The following ADIPOR1 variants were observed in gnomAD, a reference collection of about 807,000 sequenced individuals.
ADIPOR1 encodes the protein adiponectin receptor protein 1.
A neutral mutation model predicts 37.5 loss-of-function variants in ADIPOR1; 15 were observed. The observed-to-expected ratio is 0.40, with a 90% CI of 0.27 to 0.62. The LOEUF (loss-of-function observed/expected upper bound fraction) is 0.62, where lower values mean the gene tolerates loss of function less well. Among genes scored for constraint, ADIPOR1 ranks in the 20% least tolerant of loss-of-function variants. ADIPOR1 has a pLI of 0.42. For synonymous variants in ADIPOR1, 173 were observed against 173.2 expected (o/e 1.00, Z 0.01); for missense variants, 286 against 478.0 (o/e 0.60, Z 3.75).
intron 4 of ADIPOR1, among the ~76,000 whole-genome samples, chr1:202,945,783 G>A (rs1259672834): frequency 1.3e-5 from 2 of 152,124 alleles, no homozygotes; most frequent in South Asian, 4.1e-4. Context: ...TACTGTATAT[G>A]TTCTCACTTA....
chr1:202,952,915 T>A (rs1394362299), intron 1 of ADIPOR1, among the ~76,000 whole-genome samples: 1 of 152,194 alleles, frequency 6.6e-6, no homozygotes, highest in African/African-American at 2.4e-5. Context: ...ACAAGCACAG[T>A]TGAAAGCAAC....
Position 202,942,178 on chromosome 1 carries a change from G to A in ADIPOR1, c.846C>T (p.Thr282=), listed in dbSNP as rs560007363. The A allele has an allele frequency of 5.5e-5, 88 of 1,614,156 alleles. 1 individual carries two copies. The South Asian group carries it at 9.3e-4, about 17-fold the overall frequency. ...AGCCCTCAGCGATAGTAAAGTGCAT[G>A]GTGGGCACGACGCCACTCAAGCCAA... ...LGLGLSGVVP[T]MHFTIAEGFV... Residue 282 remains threonine (T), a synonymous_variant, in exon 7 of 8, where the codon ACC becomes ACT. Transcript: ENST00000340990.
chr1:202,947,374 A>G (rs1558012320), intron 3 of ADIPOR1, among the ~76,000 whole-genome samples: 1 of 150,134 alleles, frequency 6.7e-6, no homozygotes, highest in African/African-American at 2.4e-5. Context: ...ATACAAAAAT[A>G]AGCCAGGCGT....
chr1:202,952,472 T>C (rs1654615550), intron 1 of ADIPOR1, among the ~76,000 whole-genome samples: 1 of 152,190 alleles, frequency 6.6e-6, no homozygotes, highest in Admixed American at 6.5e-5. Flanking sequence ...CTTGTGTCAG[T>C]TCTTTTTTAT....
At chr1:202,944,177 C>T (rs1453794901) in intron 5 of ADIPOR1, 1 of 437,966 alleles carries the variant, frequency 2.3e-6, no homozygotes, top group Non-Finnish European at 4.1e-6. Context: ...AGAACTCTAT[C>T]CCTTTCCCTT....
At chr1:202,955,668 G>A (rs568581020) in intron 1 of ADIPOR1, among the ~76,000 whole-genome samples, 94 of 151,962 alleles carry the variant, frequency 6.2e-4, no homozygotes, top group African/African-American at 2.1e-3. Context: ...TGTGTGGCAC[G>A]ATCATAGCTT....
chr1:202,946,373 G>A (rs1394228068), intron 4 of ADIPOR1, 66 bp downstream of exon 4: 1 of 1,583,888 alleles, frequency 6.3e-7, no homozygotes, highest in Non-Finnish European at 8.6e-7. Flanking sequence ...AACTTTGTTG[G>A]GCTCTATAAT....
At chr1:202,950,458 G>C (rs1654526613) in intron 2 of ADIPOR1, among the ~76,000 whole-genome samples, 1 of 151,954 alleles carries the variant, frequency 6.6e-6, no homozygotes, top group African/African-American at 2.4e-5. Flanking sequence ...TCCCTTTCAT[G>C]GGGGGTAGAA....
At chr1:202,944,094 T>C (rs1654208488) in intron 5 of ADIPOR1, 149 bp from the exon 6 acceptor site, 2 of 668,310 alleles carry the variant, frequency 3.0e-6, no homozygotes, top group Non-Finnish European at 4.9e-6. Flanking sequence ...CAATCTATCC[T>C]GTATTCTGGA....
At chr1:202,947,006 C>T (rs1245344121) in intron 3 of ADIPOR1, among the ~76,000 whole-genome samples, 2 of 151,930 alleles carry the variant, frequency 1.3e-5, no homozygotes, top group African/African-American at 2.4e-5. Context: ...ATCCCAGCTA[C>T]TCAGGAGGCT....
At chr1:202,948,543 G>T (rs1654425331) in intron 2 of ADIPOR1, 123 bp from the exon 3 acceptor site, 7 of 730,342 alleles carry the variant, frequency 9.6e-6, no homozygotes, top group South Asian at 9.2e-5. Flanking sequence ...CCTACAGAGG[G>T]TCTTGTGGTC....
At chr1:202,946,348 C>A (rs1654316720) in intron 4 of ADIPOR1, 91 bp downstream of exon 4, 1 of 1,486,856 alleles carries the variant, frequency 6.7e-7, no homozygotes, top group Admixed American at 1.8e-5. Context: ...ATCCCAGCTG[C>A]CAATCGATCT....
At chr1:202,952,795 A>C (rs561364909) in intron 1 of ADIPOR1, among the ~76,000 whole-genome samples, 32 of 152,308 alleles carry the variant, frequency 2.1e-4, no homozygotes, top group African/African-American at 4.3e-4. Context: ...TCCCATCTCT[A>C]TCCATATGTA....
intron 3 of ADIPOR1, among the ~76,000 whole-genome samples, chr1:202,947,610 G>A (rs1402779257): frequency 1.3e-5 from 2 of 151,852 alleles, no homozygotes; most frequent in East Asian, 1.9e-4. Context: ...AATTATAAAC[G>A]TTGTTTTAAA....
intron 5 of ADIPOR1, 195 bp downstream of exon 5, chr1:202,944,788 T>C: frequency 2.2e-6 from 1 of 458,304 alleles, no homozygotes; most frequent in South Asian, 5.5e-5. Context: ...TTGAAGAGGA[T>C]GCAGTAAGTC....
At chr1:202,944,126 T>G (rs1654209578) in intron 5 of ADIPOR1, 181 bp from the exon 6 acceptor site, 1 of 559,038 alleles carries the variant, frequency 1.8e-6, no homozygotes, top group African/African-American at 1.9e-5. Context: ...CAAGGTCACT[T>G]CTATTTTACG....
chr1:202,946,322 G>T, intron 4 of ADIPOR1, 117 bp downstream of exon 4: 1 of 1,229,296 alleles, frequency 8.1e-7, no homozygotes. Context: ...AAAGTCATTA[G>T]TAGTTTAAAG....
At position 202,942,177 on chromosome 1, in the gene ADIPOR1, T is replaced by C. The variant is rs1654116834; in HGVS notation, c.847A>G (p.Met283Val). The C allele has an allele frequency of 1.2e-6, 2 of 1,613,998 alleles. No individual in the cohort carries two copies. The highest frequency in any genetic ancestry group is 1.7e-6 in the Non-Finnish European group (2 of 1,180,022). The change falls in exon 7 of 8, where the codon ATG becomes GTG. Residue 283 changes from methionine to valine, a missense_variant. Coordinates refer to ENST00000340990, the MANE Select transcript of ADIPOR1 (RefSeq NM_015999.6). The part of the protein sequence containing the change: ...GLGLSGVVPT[M>V]HFTIAEGFVK... ...AAGCCCTCAGCGATAGTAAAGTGCA[T>C]GGTGGGCACGACGCCACTCAAGCCA... is the stretch of plus-strand genomic sequence containing the variant.
At chr1:202,952,974 G>A (rs537650201) in intron 1 of ADIPOR1, among the ~76,000 whole-genome samples, 39 of 152,300 alleles carry the variant, frequency 2.6e-4, no homozygotes, top group Non-Finnish European at 1.5e-5. Context: ...CTATACAGCA[G>A]ACCTTTATAT....
Sources: allele counts gnomAD v4.1 joint callset (sites outside exome capture counted in the v4.1 genomes callset), GRCh38; gene constraint gnomAD v4.1.1; transcripts MANE v1.5; gene names NCBI Gene and HGNC (gene_info 2026-07-23, HGNC 2026-07-21).